Variants in RSRP1 observed in about 807,000 individuals in gnomAD.
RSRP1 encodes the protein arginine and serine rich protein 1, also known as arginine/serine-rich protein 1.
RSRP1 carries 37 observed loss-of-function variants against 33.0 expected under a neutral mutation model. That is an observed-to-expected ratio of 1.12 (90% CI 0.86 to 1.48). The LOEUF (loss-of-function observed/expected upper bound fraction) is 1.48, where lower values mean the gene tolerates loss of function less well. Ranked by LOEUF, RSRP1 falls within the 40% of genes most tolerant of loss-of-function variation. The pLI is 0.00. For missense variants in RSRP1, 402 were observed against 385.3 expected, an observed-to-expected ratio of 1.04 and a Z score of -0.36; for synonymous variants, 167 against 158.7, an observed-to-expected ratio of 1.05 and a Z score of -0.40.
In RSRP1 at chr1:25,245,312, A is replaced by C. The variant is rs780830050; in HGVS notation, c.521-11T>G. The C allele has an allele frequency of 4.4e-6, 7 of 1,603,144 alleles. No homozygotes were observed. The South Asian group carries it at 4.5e-5, about 10-fold the overall frequency. On this transcript the variant is annotated splice_polypyrimidine_tract_variant and intron_variant, in intron 2 of 4. Coordinates refer to ENST00000243189, the MANE Select transcript of RSRP1 (RefSeq NM_020317.5). ...ACAGCTCCATTCGATCTAAAAAAAA[A>C]AGAGAGAGATTTTAAAATACTCATT...
At chr1:25,315,747 C>T (rs574256391) in intron 1 of RSRP1, among the ~76,000 whole-genome samples, 5 of 130,280 alleles carry the variant, frequency 3.8e-5, no homozygotes, top group African/African-American at 1.1e-4. Flanking sequence ...CTGCCCGCCT[C>T]GGCCTCCCAA....
At chr1:25,303,109 T>A (rs1158356366) in intron 1 of RSRP1, among the ~76,000 whole-genome samples, 4 of 132,006 alleles carry the variant, frequency 3.0e-5, no homozygotes, top group Non-Finnish European at 7.2e-5. Flanking sequence ...TCAGGGTAAC[T>A]GTGCCCTGAG....
intron 1 of RSRP1, among the ~76,000 whole-genome samples, chr1:25,280,222 G>A (rs78627984): frequency 0.012 from 1,501 of 124,710 alleles, 319 homozygotes; most frequent in Non-Finnish European, 0.018. Context: ...CCCTGAGCGC[G>A]TATACCTGGA....
At chr1:25,303,564 G>C (rs1472145798) in intron 1 of RSRP1, 6 of 1,154,462 alleles carry the variant, frequency 5.2e-6, no homozygotes, top group East Asian at 2.3e-5. Flanking sequence ...GGCAGGTGTC[G>C]GCGCATTCTC....
In RSRP1 at chr1:25,274,257, G is replaced by A. The variant is rs773129150; in HGVS notation, c.-66-27228C>T. On this transcript the variant is annotated intron_variant, in intron 1 of 1. Coordinates refer to the RSRP1 transcript ENST00000561867. The stretch of plus-strand genomic sequence containing the variant: ...TATGGATGTTGAGTAATTTGCCCAC[G>A]GTCGCTCAGCTAGCAATAGCACAGC... Among the ~76,000 whole-genome samples, 6 of 131,908 alleles carry A rather than the reference G, an allele frequency of 4.5e-5. 1 individual carries two copies. Among genetic ancestry groups the A allele is most frequent in the East Asian group, 3.9e-4 (2 of 5,120 alleles). 86.5% of individuals were successfully genotyped at this position (131,908 alleles called of 152,430 possible).
chr1:25,296,263 G>T (rs1354695310), intron 1 of RSRP1, among the ~76,000 whole-genome samples: 1 of 125,246 alleles, frequency 8.0e-6, no homozygotes, highest in Non-Finnish European at 1.9e-5. Flanking sequence ...TTTTCTTTGA[G>T]ACAGAGTCTT....
At position 25,306,642 on chromosome 1, in the gene RSRP1, G is replaced by A. The variant is rs1643863394; in HGVS notation, c.-67+31336C>T. On this transcript the variant is annotated intron_variant, in intron 1 of 1. Transcript: ENST00000561867. ...GGGATTCCCCACAGCTCCATCATGG[G>A]CTACAACTTCAGCTTGCTGGGTCTG... 4.4e-6 allele frequency: 6 copies of A among 1,378,508 alleles called. 1 individual carries two copies. The East Asian group carries it at 6.7e-5, about 15-fold the overall frequency. 85.4% of individuals were successfully genotyped at this position (1,378,508 alleles called of 1,614,324 possible).
At chr1:25,302,977 CTAAAAAA>C (rs962138449) in intron 1 of RSRP1, among the ~76,000 whole-genome samples, 1 of 130,492 alleles carries the variant, frequency 7.7e-6, no homozygotes, top group African/African-American at 2.6e-5. Context: ...GACCCTGTCT[CTAAAAAA>C]TAAAACAAAA....
At chr1:25,290,881 A>T (rs1265056681) in intron 1 of RSRP1, 1 of 1,237,630 alleles carries the variant, frequency 8.1e-7, no homozygotes. Flanking sequence ...AAATAAAGAC[A>T]ACCTGTAATC....
At position 25,246,527 on chromosome 1, in the gene RSRP1, A is replaced by T; in HGVS notation, c.437T>A (p.Val146Glu). ...GQRYYGFGRTVYPEEHSRWRD... is the reference protein window; with the variant it reads ...GQRYYGFGRTEYPEEHSRWRD... The stretch of plus-strand genomic sequence containing the variant: ...CCATCTGCTGTGCTCCTCCGGGTAC[A>T]CTGTGCGACCAAAGCCGTAGTAGCG... The change falls in exon 2 of 5, where the codon GTG (valine) becomes GAG (glutamate). Residue 146 changes from valine (V) to glutamate (E), a missense_variant. Physicochemically the swap from Val to Glu is moderately radical, Grantham distance 121. Coordinates refer to ENST00000243189, the MANE Select transcript of RSRP1 (RefSeq NM_020317.5). The T allele has an allele frequency of 6.2e-7, 1 of 1,614,218 alleles. No individual in the cohort carries two copies. Among genetic ancestry groups the T allele is most frequent in the Non-Finnish European group, 8.5e-7 (1 of 1,180,028 alleles).
intron 1 of RSRP1, among the ~76,000 whole-genome samples, chr1:25,255,288 C>A (rs935566897): frequency 2.6e-5 from 4 of 152,166 alleles, no homozygotes; most frequent in Non-Finnish European, 4.4e-5. Context: ...CCTGCTCCCC[C>A]CAAATCCTTT....
intron 1 of RSRP1, among the ~76,000 whole-genome samples, chr1:25,260,301 T>A (rs1013914694): frequency 2.6e-5 from 4 of 152,228 alleles, no homozygotes; most frequent in African/African-American, 9.7e-5. Context: ...ACTACCAAGT[T>A]TTCACTTACA....
At chr1:25,243,840 T>C (rs1639113770) in intron 3 of RSRP1, 1 of 1,283,678 alleles carries the variant, frequency 7.8e-7, no homozygotes, top group South Asian at 2.0e-5. Flanking sequence ...CCCATAATTA[T>C]TTTACTTCCC....
At chr1:25,256,280 G>T (rs1232848262) in intron 1 of RSRP1, among the ~76,000 whole-genome samples, 1 of 151,034 alleles carries the variant, frequency 6.6e-6, no homozygotes, top group Non-Finnish European at 1.5e-5. Context: ...TCAGCCTACT[G>T]AGTAGCTAGG....
Position 25,305,672 on chromosome 1 carries a change from C to T in RSRP1, c.-67+32306G>A, listed in dbSNP as rs1643764012. 1.5e-5 allele frequency among the ~76,000 whole-genome samples: 2 copies of T among 129,172 alleles called. 1 individual carries two copies. The highest frequency in any genetic ancestry group is 4.8e-4 in the South Asian group (2 of 4,186). The allele number at this position is 129,172 out of a possible 152,430, so 84.7% of individuals were successfully genotyped here. A position where few individuals can be genotyped will look rare whatever the true frequency, so the allele number is the denominator to read the frequency against. On this transcript the variant is annotated intron_variant, in intron 1 of 1. Transcript: ENST00000561867. Reference sequence around the variant, plus strand: ...CTGGAGTGCAGTGGCGCCATCTCAGCTTACTGCAAGCTCCGCCTCCCGGGT... The same window carrying T: ...CTGGAGTGCAGTGGCGCCATCTCAGTTTACTGCAAGCTCCGCCTCCCGGGT...
At chr1:25,316,618 GAAAAAAA>G (rs1171433774) in intron 1 of RSRP1, among the ~76,000 whole-genome samples, 4 of 40,632 alleles carry the variant, frequency 9.8e-5, no homozygotes, top group African/African-American at 2.2e-4. Flanking sequence ...AACAAAAACA[GAAAAAAA>G]AAAAAAAAAA....
chr1:25,303,792 A>G (rs1643585790), intron 1 of RSRP1, among the ~76,000 whole-genome samples: 1 of 130,270 alleles, frequency 7.7e-6, no homozygotes, highest in South Asian at 2.3e-4. Context: ...CTTTTCCTGA[A>G]TATCTGCTTT....
chr1:25,330,343 G>A (rs1644976369), intron 1 of RSRP1: 1 of 132,590 alleles, frequency 7.5e-6, no homozygotes, highest in African/African-American at 2.6e-5. Flanking sequence ...TTGTTACTAT[G>A]GGAAATCTTG....
At position 25,273,161 on chromosome 1, in the gene RSRP1, G is replaced by A. The variant is rs1435609303; in HGVS notation, c.-66-26132C>T. 1.5e-5 allele frequency among the ~76,000 whole-genome samples: 2 copies of A among 129,642 alleles called. 1 individual carries two copies. The highest frequency in any genetic ancestry group is 5.3e-5 in the African/African-American group (2 of 38,042). 85.1% of individuals were successfully genotyped at this position (129,642 alleles called of 152,430 possible). On this transcript the variant is annotated intron_variant, in intron 1 of 1. Transcript: ENST00000561867. ...CATTTCTTATTTCTTTTTGAGGCAG[G>A]GTCTCACTCTGTTGCCCAGGCTGAA... is the stretch of plus-strand genomic sequence containing the variant.
Sources: allele counts gnomAD v4.1 joint callset (sites outside exome capture counted in the v4.1 genomes callset), GRCh38; gene constraint gnomAD v4.1.1; transcripts MANE v1.5; gene names NCBI Gene and HGNC (gene_info 2026-07-23, HGNC 2026-07-21).